NTSR1: variants seen among roughly 807,000 people sequenced by gnomAD.
NTSR1 encodes the protein neurotensin receptor type 1.
Under a neutral mutation model 31.2 loss-of-function variants are expected in NTSR1, and 29 were observed. The ratio of observed to expected loss-of-function variants is 0.93; its 90% CI spans 0.69 to 1.27. The LOEUF (loss-of-function observed/expected upper bound fraction) is 1.27. NTSR1 is among the 50% of genes most tolerant of loss of function. The probability of loss-of-function intolerance (pLI) is 0.00; values close to 1 mark genes in which losing one functional copy is unlikely to be tolerated. For synonymous variants in NTSR1, 282 were observed against 269.9 expected (o/e 1.04, Z -0.44); for missense variants, 697 against 595.4 (o/e 1.17, Z -1.78).
At position 62,758,365 on chromosome 20, in the gene NTSR1, C is replaced by T. The variant is rs368750503; in HGVS notation, c.1007+9C>T. 1.7e-5 allele frequency: 27 copies of T among 1,612,240 alleles called. No homozygotes were observed. Among genetic ancestry groups the T allele is most frequent in the South Asian group, 5.5e-5 (5 of 91,046 alleles). On this transcript the variant is annotated intron_variant, in intron 3 of 3. Transcript: ENST00000370501. The surrounding 1 kb of genome is among the most constrained non-coding windows in gnomAD (Gnocchi z 4.5). ...GATGAGCAGTGGACTCCGTGAGTAC[C>T]GGGAACCAGGAAGTTGGGTGCTGGA...
Position 62,760,912 on chromosome 20 carries a change from G to A in NTSR1, c.*645G>A, listed in dbSNP as rs939924160. 6.6e-6 allele frequency: 1 copy of A among 152,500 alleles called. No homozygotes were observed. Among genetic ancestry groups the A allele is most frequent in the Non-Finnish European group, 1.5e-5 (1 of 68,266 alleles). 9.4% of individuals were successfully genotyped at this position (152,500 alleles called of 1,614,324 possible). On this transcript the variant is annotated 3_prime_UTR_variant, in exon 4 of 4. Transcript: ENST00000370501. ...CCGCAGGCAGCTGCAGCCCCCAGAG[G>A]GGACCACAAGCCCAAAAAGGACAAA... is the stretch of plus-strand genomic sequence containing the variant.
In NTSR1 at chr20:62,715,047, C is replaced by G. The variant is rs894078738; in HGVS notation, c.714+5126C>G. On this transcript the variant is annotated intron_variant, in intron 1 of 3. Coordinates refer to ENST00000370501, the MANE Select transcript of NTSR1 (RefSeq NM_002531.3). This position sits in a 1 kb window ranked among gnomAD's most constrained non-coding sequence, Gnocchi z 4.7. Reference sequence around the variant, plus strand: ...GGCTGTGGGAGGGCTACAGAGGAGACAAGATTGGTCTTAAGTCTGTAATCA... The same window carrying G: ...GGCTGTGGGAGGGCTACAGAGGAGAGAAGATTGGTCTTAAGTCTGTAATCA... 1.3e-5 allele frequency among the ~76,000 whole-genome samples: 2 copies of G among 152,092 alleles called. No individual in the cohort carries two copies. Among genetic ancestry groups the G allele is most frequent in the Non-Finnish European group, 2.9e-5 (2 of 68,030 alleles).
chr20:62,748,928 C>A (rs1377839824), intron 1 of NTSR1, among the ~76,000 whole-genome samples: 1 of 152,134 alleles, frequency 6.6e-6, no homozygotes, highest in East Asian at 1.9e-4. Context: ...GAGAGTCCCC[C>A]CAGCAAGAAG....
rs1284847290 is a variant in NTSR1 at position 62,754,738 on chromosome 20, C to T, written c.768C>T (p.Asn256=). The change falls in exon 2 of 4, where the codon AAC becomes AAT. Residue 256 remains asparagine (N), a synonymous_variant. Coordinates refer to ENST00000370501, the MANE Select transcript of NTSR1 (RefSeq NM_002531.3). ...CCATGGTGGTCATCTCGGTCCTGAA[C>T]ACCATCATCGCCAACAAGCTGACCG... The part of the protein sequence containing the change: ...IFPMVVISVL[N]TIIANKLTVM... 11 of 1,612,938 alleles carry T rather than the reference C, an allele frequency of 6.8e-6. No individual in the cohort carries two copies. The highest frequency in any genetic ancestry group is 9.3e-6 in the Non-Finnish European group (11 of 1,179,802).
intron 1 of NTSR1, among the ~76,000 whole-genome samples, chr20:62,726,687 C>G (rs1374212411): frequency 9.7e-6 from 1 of 103,086 alleles, no homozygotes; most frequent in East Asian, 4.0e-4. Context: ...AGAGCAGGAA[C>G]CTGTCTCAAA....
At chr20:62,728,474 A>G (rs1478661383) in intron 1 of NTSR1, among the ~76,000 whole-genome samples, 2 of 152,132 alleles carry the variant, frequency 1.3e-5, no homozygotes, top group Non-Finnish European at 2.9e-5. Flanking sequence ...CACCAGCTTC[A>G]TTCCCGGGGA....
At chr20:62,755,308 TCTCCCTCCCTTCCTTC>T (rs1989471415) in intron 2 of NTSR1, among the ~76,000 whole-genome samples, 1 of 52,840 alleles carries the variant, frequency 1.9e-5, no homozygotes. Flanking sequence ...TTCCTCTACC[TCTCCCTCCCTTCCTTC>T]CTCCCTCCCT....
Position 62,760,383 on chromosome 20 carries a change from C to A in NTSR1, c.*116C>A. On this transcript the variant is annotated 3_prime_UTR_variant, in exon 4 of 4. Coordinates refer to ENST00000370501, the MANE Select transcript of NTSR1 (RefSeq NM_002531.3). ...GGGGTCAGGCAGAGGCCAGCCTGCA[C>A]TGGAGTCTGAGGCCTGGGACCCCCC... 1.6e-6 allele frequency: 2 copies of A among 1,223,640 alleles called. No homozygotes were observed. The highest frequency in any genetic ancestry group is 2.2e-6 in the Non-Finnish European group (2 of 898,734). The allele number at this position is 1,223,640 out of a possible 1,614,324, so 75.8% of individuals were successfully genotyped here.
intron 1 of NTSR1, among the ~76,000 whole-genome samples, chr20:62,749,274 T>C (rs894175417): frequency 3.3e-5 from 5 of 152,144 alleles, no homozygotes; most frequent in African/African-American, 1.2e-4. Flanking sequence ...ACCCCGTCTC[T>C]ACTAAAAATA....
chr20:62,716,439 G>A (rs556812525), intron 1 of NTSR1, among the ~76,000 whole-genome samples: 1 of 124,008 alleles, frequency 8.1e-6, no homozygotes, highest in South Asian at 2.9e-4. Context: ...CCATAGGGGC[G>A]CTGGGAACTC....
rs757795361 is a variant in NTSR1 at position 62,709,768 on chromosome 20, G to C, written c.561G>C (p.Lys187Asn). 31 of 1,612,970 alleles carry C rather than the reference G, an allele frequency of 1.9e-5. No individual in the cohort carries two copies. Among genetic ancestry groups the C allele is most frequent in the Non-Finnish European group, 2.6e-5 (31 of 1,179,946 alleles). The change falls in exon 1 of 4, where the codon AAG (lysine) becomes AAC (asparagine). Residue 187 changes from lysine (K) to asparagine (N), a missense_variant. By Grantham distance (94) the Lys-to-Asn change is moderately conservative. Coordinates refer to ENST00000370501, the MANE Select transcript of NTSR1 (RefSeq NM_002531.3). ...TCATGTCCCGAAGCCGCACCAAGAA[G>C]TTCATCAGCGCCATCTGGCTCGCCT... is the stretch of plus-strand genomic sequence containing the variant. ...KTLMSRSRTK[K>N]FISAIWLASA... is the part of the protein sequence containing the mutation.
intron 1 of NTSR1, among the ~76,000 whole-genome samples, chr20:62,734,198 G>T (rs750163510): frequency 1.6e-4 from 24 of 152,104 alleles, no homozygotes; most frequent in Non-Finnish European, 3.1e-4. Flanking sequence ...CAGCCCTGGT[G>T]GGGGACGGGC....
intron 1 of NTSR1, among the ~76,000 whole-genome samples, chr20:62,736,508 T>C (rs2427433): frequency 0.91 from 139,051 of 152,240 alleles, 63,635 homozygotes; most frequent in East Asian, 1. Context: ...AGGAGGGAAG[T>C]GGCTTCCACC....
At chr20:62,749,602 G>A (rs1989358903) in intron 1 of NTSR1, among the ~76,000 whole-genome samples, 2 of 152,080 alleles carry the variant, frequency 1.3e-5, no homozygotes, top group Admixed American at 6.5e-5. Context: ...TACAAAATGG[G>A]AGAAAAATAA....
intron 1 of NTSR1, among the ~76,000 whole-genome samples, chr20:62,729,224 T>C (rs1988962691): frequency 2.0e-5 from 3 of 152,144 alleles, no homozygotes; most frequent in East Asian, 1.9e-4. Flanking sequence ...AAGCCACTCC[T>C]CCCAACTTGG....
Position 62,758,458 on chromosome 20 carries a change from G to T in NTSR1, c.1007+102G>T. ...TGCTGAGGGGATCCACTCAGGGCAG[G>T]GGTGTGGTGAGTCCCCCGGCGACCC... On this transcript the variant is annotated intron_variant, in intron 3 of 3. Coordinates refer to ENST00000370501, the MANE Select transcript of NTSR1 (RefSeq NM_002531.3). The surrounding 1 kb of genome is among the most constrained non-coding windows in gnomAD (Gnocchi z 4.5). 9.1e-7 allele frequency: 1 copy of T among 1,093,992 alleles called. No individual in the cohort carries two copies. The highest frequency in any genetic ancestry group is 1.4e-6 in the Non-Finnish European group (1 of 735,982). The allele number at this position is 1,093,992 out of a possible 1,614,324, so 67.8% of individuals were successfully genotyped here.
intron 1 of NTSR1, among the ~76,000 whole-genome samples, chr20:62,752,331 C>T (rs916785715): frequency 6.6e-6 from 1 of 152,206 alleles, no homozygotes; most frequent in Non-Finnish European, 1.5e-5. Context: ...CAGGAAAGGA[C>T]GGCGCAAGCC....
chr20:62,723,226 A>G (rs1325548939), intron 1 of NTSR1, among the ~76,000 whole-genome samples: 1 of 152,204 alleles, frequency 6.6e-6, no homozygotes, highest in African/African-American at 2.4e-5. Flanking sequence ...GCATTCAGAG[A>G]GTACGGGAGC....
intron 2 of NTSR1, among the ~76,000 whole-genome samples, chr20:62,755,283 C>T (rs1191833331): frequency 7.9e-6 from 1 of 125,828 alleles, no homozygotes; most frequent in East Asian, 2.4e-4. Flanking sequence ...CTCTCTCCCT[C>T]CTTCCCTCCA....
Sources: allele counts gnomAD v4.1 joint callset (sites outside exome capture counted in the v4.1 genomes callset), GRCh38; gene constraint gnomAD v4.1.1; non-coding constraint Gnocchi (gnomAD v3.1); transcripts MANE v1.5; gene names NCBI Gene and HGNC (gene_info 2026-07-23, HGNC 2026-07-21).